The following MTHFD1L variants were observed in gnomAD, a reference collection of about 807,000 sequenced individuals.
MTHFD1L encodes the protein methylenetetrahydrofolate dehydrogenase (NADP+ dependent) 1 like, also known as monofunctional C1-tetrahydrofolate synthase, mitochondrial.
MTHFD1L carries 81 observed loss-of-function variants against 119.5 expected under a neutral mutation model. The observed-to-expected ratio is 0.68, with a 90% confidence interval of 0.57 to 0.82. The LOEUF is 0.82. Among genes scored for constraint, MTHFD1L ranks in the 40% least tolerant of loss-of-function variants. The pLI is 0.00. For synonymous variants in MTHFD1L, 430 were observed against 475.2 expected (o/e 0.90, Z 1.24); for missense variants, 1,125 against 1,253.4 (o/e 0.90, Z 1.55).
chr6:151,061,237 C>G (rs531285374), intron 26 of MTHFD1L, among the ~76,000 whole-genome samples: 1 of 152,236 alleles, frequency 6.6e-6, no homozygotes, highest in East Asian at 1.9e-4. Flanking sequence ...CACGTGGGGT[C>G]AAGTCCAGGG....
At chr6:151,053,263 G>GC (rs1666641938) in intron 26 of MTHFD1L, among the ~76,000 whole-genome samples, 1 of 151,014 alleles carries the variant, frequency 6.6e-6, no homozygotes, top group South Asian at 2.1e-4. Context: ...TCTTTGCTCT[G>GC]TTTTTTTTTA....
rs367962286 is a variant in MTHFD1L, at chr6:150,877,687, G to A, written c.363+3G>A. On this transcript the variant is annotated splice_donor_region_variant and intron_variant, in intron 3 of 27. Coordinates refer to ENST00000367321, the MANE Select transcript of MTHFD1L (RefSeq NM_015440.5). Reference sequence around the variant, plus strand: ...TCAACCAGAATTTGGCTGAGGAGGTGAGGACTGCTGCTTTTAAAAAATTCA... The same window carrying A: ...TCAACCAGAATTTGGCTGAGGAGGTAAGGACTGCTGCTTTTAAAAAATTCA... 1.2e-6 allele frequency: 2 copies of A among 1,614,086 alleles called. No homozygotes were observed. Among genetic ancestry groups the A allele is most frequent in the African/African-American group, 2.7e-5 (2 of 74,940 alleles).
At chr6:151,043,589 C>A (rs1280620782) in intron 26 of MTHFD1L, among the ~76,000 whole-genome samples, 4 of 152,108 alleles carry the variant, frequency 2.6e-5, no homozygotes, top group Non-Finnish European at 4.4e-5. Context: ...AGGTGTCCGA[C>A]CAAGTTGGAA....
intron 26 of MTHFD1L, 58 bp from the exon 27 acceptor site, chr6:151,092,409 G>A: frequency 7.5e-7 from 1 of 1,341,354 alleles, no homozygotes; most frequent in Non-Finnish European, 1.1e-6. Flanking sequence ...TGCATCATCA[G>A]ATGTTGTGGC....
chr6:150,967,551 C>T (rs1159628540), intron 19 of MTHFD1L, among the ~76,000 whole-genome samples: 2 of 152,204 alleles, frequency 1.3e-5, no homozygotes, highest in Non-Finnish European at 2.9e-5. Context: ...CAAACTGATA[C>T]ATAAACCAGG....
intron 26 of MTHFD1L, among the ~76,000 whole-genome samples, chr6:151,046,491 A>G (rs558301929): frequency 1.1e-3 from 137 of 127,374 alleles, no homozygotes; most frequent in Non-Finnish European, 1.6e-3. Context: ...ATATATATAT[A>G]TATATATATA....
At chr6:151,074,110 C>G (rs1467355682) in intron 26 of MTHFD1L, among the ~76,000 whole-genome samples, 1 of 152,184 alleles carries the variant, frequency 6.6e-6, no homozygotes, top group Non-Finnish European at 1.5e-5. Flanking sequence ...AGAAAATTCA[C>G]AGCCTAGAGT....
chr6:151,075,517 A>T (rs934905517), intron 26 of MTHFD1L, among the ~76,000 whole-genome samples: 1 of 152,324 alleles, frequency 6.6e-6, no homozygotes, highest in Admixed American at 6.5e-5. Flanking sequence ...ATAAAATTAT[A>T]GGGAAAAATA....
chr6:151,046,471 G>GTATATATATATA (rs1156377344), intron 26 of MTHFD1L, among the ~76,000 whole-genome samples: 3 of 36,424 alleles, frequency 8.2e-5, no homozygotes, highest in African/African-American at 1.8e-4. Flanking sequence ...ATGTGTGTGT[G>GTATATATATATA]TATATATATA....
At chr6:150,995,753 G>A (rs55994259) in intron 20 of MTHFD1L, among the ~76,000 whole-genome samples, 30,263 of 151,328 alleles carry the variant, frequency 0.2, 3,098 homozygotes, top group Middle Eastern at 0.29. Context: ...CGCAACCTCC[G>A]CCTCCCAGGT....
chr6:151,012,264 T>G (rs1193191052), intron 21 of MTHFD1L, among the ~76,000 whole-genome samples: 1 of 152,128 alleles, frequency 6.6e-6, no homozygotes, highest in Non-Finnish European at 1.5e-5. Context: ...AATGGCAAGA[T>G]AAATGAACTT....
intron 20 of MTHFD1L, among the ~76,000 whole-genome samples, chr6:150,984,852 C>T (rs1185741316): frequency 6.6e-6 from 1 of 152,122 alleles, no homozygotes; most frequent in Non-Finnish European, 1.5e-5. Context: ...ATTCATGTGT[C>T]ATTTTCCGCT....
chr6:151,069,895 T>C (rs143483125), intron 26 of MTHFD1L, among the ~76,000 whole-genome samples: 1 of 152,382 alleles, frequency 6.6e-6, no homozygotes, highest in Non-Finnish European at 1.5e-5. Flanking sequence ...GCTATGTTTT[T>C]CTATTTCAGC....
intron 20 of MTHFD1L, among the ~76,000 whole-genome samples, chr6:151,008,993 G>C (rs970993243): frequency 6.6e-6 from 1 of 151,512 alleles, no homozygotes; most frequent in Non-Finnish European, 1.5e-5. Flanking sequence ...GTGGTGGTGG[G>C]TTCCTGTAAT....
chr6:151,081,945 C>T (rs1793230992), intron 26 of MTHFD1L, among the ~76,000 whole-genome samples: 1 of 152,164 alleles, frequency 6.6e-6, no homozygotes, highest in Admixed American at 6.5e-5. Context: ...CCATCTCCTC[C>T]AGCTTCTCCT....
In MTHFD1L at chr6:150,998,995, A is replaced by AAAAAAAAAATGTATATATATATAT. The variant is rs986639098; in HGVS notation, c.2126-10823_2126-10822insAAAAAAAATGTATATATATATATA. On this transcript the variant is annotated intron_variant, in intron 20 of 27. Transcript: ENST00000367321. ...ACAGAGGGAGACCCTGTCTTAAAAA[A>AAAAAAAAAATGTATATATATATAT]ATATATATACATATATATATATAGT... Among the ~76,000 whole-genome samples the AAAAAAAAAATGTATATATATATAT allele has an allele frequency of 4.0e-4, 57 of 143,640 alleles. 1 individual carries two copies. The highest frequency in any genetic ancestry group is 1.4e-3 in the African/African-American group (55 of 38,852). 94.2% of individuals were successfully genotyped at this position (143,640 alleles called of 152,430 possible).
chr6:150,938,655 G>A (rs767197349), intron 12 of MTHFD1L, 44 bp from the exon 13 acceptor site: 1 of 1,591,510 alleles, frequency 6.3e-7, no homozygotes, highest in Non-Finnish European at 8.6e-7. Context: ...CGTGGCAGCT[G>A]TACTTGGTGA....
intron 22 of MTHFD1L, 79 bp from the exon 23 acceptor site, chr6:151,014,801 G>C: frequency 1.0e-6 from 1 of 997,044 alleles, no homozygotes; most frequent in South Asian, 1.4e-5. Context: ...CTGCCAGAGA[G>C]GTGCTGGCAG....
intron 26 of MTHFD1L, among the ~76,000 whole-genome samples, chr6:151,061,991 A>C (rs547171784): frequency 6.6e-6 from 1 of 152,310 alleles, no homozygotes; most frequent in East Asian, 1.9e-4. Context: ...GGTTAATACA[A>C]CTTATTTCCC....
Sources: gnomAD v4.1 joint callset for allele counts (sites outside exome capture counted in the v4.1 genomes callset) on GRCh38, gnomAD v4.1.1 for gene constraint, MANE v1.5 for transcripts, NCBI Gene and HGNC (gene_info 2026-07-23, HGNC 2026-07-21) for gene names.